Variants in DLC1 observed in about 807,000 individuals in gnomAD.
The protein encoded by DLC1 is rho GTPase-activating protein 7.
Under a neutral mutation model 140.3 loss-of-function variants are expected in DLC1, and 54 were observed. That is an observed-to-expected ratio of 0.38 (90% CI 0.31 to 0.48). DLC1 has a LOEUF of 0.48. Among genes scored for constraint, DLC1 ranks in the 20% least tolerant of loss-of-function variants. The pLI is 0.96. For missense variants in DLC1, 2,536 were observed against 1,907.0 expected, an observed-to-expected ratio of 1.33 and a Z score of -6.14; for synonymous variants, 986 against 728.1, an observed-to-expected ratio of 1.35 and a Z score of -5.70.
At chr8:13,468,520 T>G (rs1800054740) in intron 2 of DLC1, among the ~76,000 whole-genome samples, 1 of 151,634 alleles carries the variant, frequency 6.6e-6, no homozygotes, top group South Asian at 2.1e-4. Flanking sequence ...ACTACAGATG[T>G]GCACCACCGT....
chr8:13,572,199 C>T (rs564704071), intron 1 of DLC1, among the ~76,000 whole-genome samples: 69 of 151,606 alleles, frequency 4.6e-4, no homozygotes, highest in African/African-American at 1.6e-3. Flanking sequence ...ACACCATTCT[C>T]CTGCCTCAGC....
At chr8:13,282,310 AG>A (rs1831391023) in intron 5 of DLC1, among the ~76,000 whole-genome samples, 1 of 152,102 alleles carries the variant, frequency 6.6e-6, no homozygotes, top group Admixed American at 6.5e-5. Context: ...ACAGTTTTTG[AG>A]GTGAAAATAT....
At chr8:13,583,859 C>G (rs57921957) in intron 1 of DLC1, 2 of 152,268 alleles carry the variant, frequency 1.3e-5, no homozygotes, top group African/African-American at 4.8e-5. Context: ...TCAGTAACCA[C>G]CCACCCGAGG....
At chr8:13,234,948 A>C (rs1316928359) in intron 5 of DLC1, among the ~76,000 whole-genome samples, 1 of 152,102 alleles carries the variant, frequency 6.6e-6, no homozygotes, top group Non-Finnish European at 1.5e-5. Context: ...ACCCTTAGTA[A>C]AAGTATGGAG....
intron 4 of DLC1, among the ~76,000 whole-genome samples, chr8:13,343,382 G>T (rs535788970): frequency 6.6e-6 from 1 of 152,260 alleles, no homozygotes; most frequent in East Asian, 1.9e-4. Context: ...GCAGTGTGGT[G>T]TCCTCAATCA....
intron 5 of DLC1, among the ~76,000 whole-genome samples, chr8:13,191,119 T>C (rs559412579): frequency 6.6e-6 from 1 of 152,290 alleles, no homozygotes; most frequent in Non-Finnish European, 1.5e-5. Context: ...AAATGACTGG[T>C]AATAGCAAAG....
intron 2 of DLC1, among the ~76,000 whole-genome samples, chr8:13,406,186 T>TG (rs1837553381): frequency 3.8e-5 from 5 of 130,098 alleles, no homozygotes; most frequent in African/African-American, 1.5e-4. Flanking sequence ...TTTGTGTTTT[T>TG]TTTTTTTTTT....
chr8:13,089,544 G>A (rs560668916), intron 15 of DLC1, among the ~76,000 whole-genome samples: 2 of 151,368 alleles, frequency 1.3e-5, no homozygotes, highest in South Asian at 2.1e-4. Context: ...AGAATAGCTT[G>A]AAACCGGGAG....
intron 5 of DLC1, among the ~76,000 whole-genome samples, chr8:13,237,875 A>T (rs1275707500): frequency 6.6e-6 from 1 of 152,008 alleles, no homozygotes; most frequent in Non-Finnish European, 1.5e-5. Flanking sequence ...AATAGTACTT[A>T]CCTAATACAT....
At chr8:13,570,233 C>G (rs1804598318) in intron 1 of DLC1, among the ~76,000 whole-genome samples, 2 of 152,026 alleles carry the variant, frequency 1.3e-5, no homozygotes, top group South Asian at 2.1e-4. Context: ...TACATTACTT[C>G]CCTGAGCTCT....
At chr8:13,327,220 G>T (rs1029520642) in intron 4 of DLC1, among the ~76,000 whole-genome samples, 1 of 134,428 alleles carries the variant, frequency 7.4e-6, no homozygotes, top group African/African-American at 2.8e-5. Flanking sequence ...TGATCCGCCC[G>T]CCTTGGCCTC....
chr8:13,417,913 G>A (rs780608882), intron 2 of DLC1, among the ~76,000 whole-genome samples: 64 of 152,108 alleles, frequency 4.2e-4, no homozygotes, highest in Non-Finnish European at 7.1e-4. Context: ...ATTCTAACTC[G>A]TGTGAGATGG....
At chr8:13,119,225 C>A (rs1261659957) in intron 5 of DLC1, among the ~76,000 whole-genome samples, 5 of 85,682 alleles carry the variant, frequency 5.8e-5, no homozygotes, top group East Asian at 7.8e-4. Flanking sequence ...AAGACCCTGT[C>A]TAAAAAAAAA....
intron 1 of DLC1, among the ~76,000 whole-genome samples, chr8:13,522,928 G>A (rs1802806903): frequency 6.6e-6 from 1 of 152,134 alleles, no homozygotes; most frequent in Non-Finnish European, 1.5e-5. Flanking sequence ...ACAGTCCTAA[G>A]GAAGCGTGTG....
At position 13,084,795 on chromosome 8, in the gene DLC1, G is replaced by A. The variant is rs1817419503; in HGVS notation, c.*1016C>T. On this transcript the variant is annotated 3_prime_UTR_variant, in exon 18 of 18. Transcript: ENST00000276297. ...AGTTAAATTTACAGGGATTTCCTTG[G>A]GACACACATAGTTTCCTATATTCCC... 1.3e-5 allele frequency: 2 copies of A among 152,124 alleles called. No individual in the cohort carries two copies. Among genetic ancestry groups the A allele is most frequent in the African/African-American group, 4.8e-5 (2 of 41,426 alleles). 9.4% of individuals were successfully genotyped at this position (152,124 alleles called of 1,614,324 possible).
intron 5 of DLC1, among the ~76,000 whole-genome samples, chr8:13,178,343 A>C (rs920307642): frequency 7.9e-5 from 12 of 152,074 alleles, no homozygotes; most frequent in African/African-American, 2.4e-4. Context: ...CGGGCGGATC[A>C]CGAGGTCAGG....
At chr8:13,453,548 A>T (rs1402735838) in intron 2 of DLC1, among the ~76,000 whole-genome samples, 1,070 of 45,106 alleles carry the variant, frequency 0.024, 67 homozygotes, top group Non-Finnish European at 0.026. Flanking sequence ...ACATATATAT[A>T]TATATATATT....
intron 5 of DLC1, among the ~76,000 whole-genome samples, chr8:13,118,253 C>G (rs1820746848): frequency 6.6e-6 from 1 of 152,078 alleles, no homozygotes; most frequent in Non-Finnish European, 1.5e-5. Context: ...AAAGCTGTGT[C>G]AAAATAGTCA....
chr8:13,324,812 T>C (rs1190533732), intron 4 of DLC1, among the ~76,000 whole-genome samples: 2 of 152,118 alleles, frequency 1.3e-5, no homozygotes, highest in Non-Finnish European at 2.9e-5. Flanking sequence ...CCAACCAAAA[T>C]GCAATTGTAT....
Sources: allele counts gnomAD v4.1 joint callset (sites outside exome capture counted in the v4.1 genomes callset), GRCh38; gene constraint gnomAD v4.1.1; transcripts MANE v1.5; gene names NCBI Gene and HGNC (gene_info 2026-07-23, HGNC 2026-07-21).